The following FURIN variants were observed in gnomAD, a reference collection of about 807,000 sequenced individuals.
FURIN encodes the protein furin, paired basic amino acid cleaving enzyme, also known as FES upstream region.
In FURIN, 18 loss-of-function variants were observed where a neutral mutation model predicts 89.2. That is an observed-to-expected ratio of 0.20 (90% CI 0.14 to 0.30). FURIN has a LOEUF of 0.30. Ranked by LOEUF, FURIN falls within the 10% of genes least tolerant of loss-of-function variation. FURIN has a pLI of 1.00. For synonymous variants in FURIN, 508 were observed against 466.4 expected, an observed-to-expected ratio of 1.09 and a Z score of -1.15; for missense variants, 879 against 1,100.5, an observed-to-expected ratio of 0.80 and a Z score of 2.85.
At chr15:90,871,245 C>T (rs1446404375) in intron 1 of FURIN, among the ~76,000 whole-genome samples, 1 of 152,186 alleles carries the variant, frequency 6.6e-6, no homozygotes, top group African/African-American at 2.4e-5. Flanking sequence ...CGGAGTGCCT[C>T]CCCCAAGCCT....
At chr15:90,878,431 A>G (rs1240429116) in intron 8 of FURIN, 127 bp downstream of exon 8, 1 of 833,890 alleles carries the variant, frequency 1.2e-6, no homozygotes, top group Non-Finnish European at 1.8e-6. Context: ...TTATTGAAAC[A>G]TTAAGGGACA....
At position 90,872,287 on chromosome 15, in the gene FURIN, G is replaced by T. The variant is rs147254697; in HGVS notation, c.-159-3295G>T. On this transcript the variant is annotated intron_variant, in intron 1 of 15. Coordinates refer to ENST00000268171, the MANE Select transcript of FURIN (RefSeq NM_002569.4). ...CGAGGCCCCTGTGCCCCCGCTGTGT[G>T]GCTGGACCAAGGGGCGGCCTGCTTG... 1.4e-4 allele frequency among the ~76,000 whole-genome samples: 22 copies of T among 152,286 alleles called. No individual in the cohort carries two copies. In the East Asian group the frequency reaches 4.1e-3, roughly 28 times the overall value.
intron 1 of FURIN, among the ~76,000 whole-genome samples, chr15:90,872,122 C>G (rs886375667): frequency 6.6e-6 from 1 of 151,500 alleles, no homozygotes; most frequent in African/African-American, 2.4e-5. Flanking sequence ...GGAGGAGCGG[C>G]CGGGGGCGAG....
At chr15:90,878,428 A>C in intron 8 of FURIN, 124 bp downstream of exon 8, 2 of 847,814 alleles carry the variant, frequency 2.4e-6, no homozygotes, top group Non-Finnish European at 3.5e-6. Context: ...TGTTTATTGA[A>C]ACATTAAGGG....
intron 1 of FURIN, among the ~76,000 whole-genome samples, chr15:90,872,696 T>C (rs185684362): frequency 2.3e-4 from 35 of 152,334 alleles, no homozygotes; most frequent in Non-Finnish European, 4.0e-4. Flanking sequence ...AAGTGACTTG[T>C]TAAGATCATC....
rs759594039 is a variant in FURIN, at chr15:90,880,196, G to A, written c.1479G>A (p.Leu493=). ...AGCACGCTCAGGCGCGGCTCACCCTGTCCTATAATCGCCGTGGCGACCTGG... is the reference window on the plus strand; with the variant it reads ...AGCACGCTCAGGCGCGGCTCACCCTATCCTATAATCGCCGTGGCGACCTGG... ...RLEHAQARLT[L]SYNRRGDLAI... The change falls in exon 13 of 16, where the codon CTG becomes CTA. Residue 493 remains leucine, a synonymous_variant. Transcript: ENST00000268171. 9 of 1,612,706 alleles carry A rather than the reference G, an allele frequency of 5.6e-6. No individual in the cohort carries two copies. The highest frequency in any genetic ancestry group is 8.5e-7 in the Non-Finnish European group (1 of 1,179,736).
intron 1 of FURIN, among the ~76,000 whole-genome samples, chr15:90,874,711 A>G (rs2151221263): frequency 6.6e-6 from 1 of 152,350 alleles, no homozygotes; most frequent in East Asian, 1.9e-4. Context: ...CCAACATCTT[A>G]TTCCCATGTA....
intron 6 of FURIN, 37 bp from the exon 7 acceptor site, chr15:90,877,490 A>G (rs1414423079): frequency 5.9e-6 from 9 of 1,515,204 alleles, no homozygotes; most frequent in African/African-American, 1.4e-5. Flanking sequence ...TGTTCACCCC[A>G]TTTGTTCTAC....
chr15:90,873,636 G>T (rs1250193342), intron 1 of FURIN, among the ~76,000 whole-genome samples: 6 of 137,418 alleles, frequency 4.4e-5, no homozygotes, highest in African/African-American at 1.5e-4. Flanking sequence ...GACTTGGGGT[G>T]GGGGGGGCGG....
intron 1 of FURIN, among the ~76,000 whole-genome samples, chr15:90,869,831 C>T (rs1401524193): frequency 1.3e-5 from 2 of 152,214 alleles, no homozygotes; most frequent in African/African-American, 4.8e-5. Flanking sequence ...GGCCTGAGGA[C>T]AAGTGGGTAG....
intron 9 of FURIN, among the ~76,000 whole-genome samples, chr15:90,879,229 CCCTTATT>C (rs2151226233): frequency 6.6e-6 from 1 of 152,310 alleles, no homozygotes; most frequent in South Asian, 2.1e-4. Flanking sequence ...TAGTTGAACC[CCCTTATT>C]CCTTTGGAAA....
Position 90,880,935 on chromosome 15 carries a change from C to A in FURIN, c.1687C>A (p.Leu563Met). 1.2e-6 allele frequency: 2 copies of A among 1,613,748 alleles called. No individual in the cohort carries two copies. Among genetic ancestry groups the A allele is most frequent in the African/African-American group, 2.7e-5 (2 of 75,022 alleles). ...NTSEANNYGTLTKFTLVLYGT... is the reference protein window; with the variant it reads ...NTSEANNYGTMTKFTLVLYGT... ...TCCTCCCCGCTCTGGAACAGGGACG[C>A]TGACCAAGTTCACCCTCGTACTCTA... Residue 563 changes from leucine (L) to methionine (M), a missense_variant, in exon 15 of 16, where the codon CTG becomes ATG. Physicochemically the swap from Leu to Met is conservative, Grantham distance 15. This residue lies in a region of FURIN where 457 missense variants were observed against 490.7 expected (regional missense o/e 0.93). Transcript: ENST00000268171.
Position 90,876,786 on chromosome 15 carries a change from C to A in FURIN, c.373-110C>A. Reference sequence around the variant, plus strand: ...ACAGCCAGTGGCGGCCTTTCAGGAGCAGGGATGGTACAGGAGGAGGTTTTA... The same window carrying A: ...ACAGCCAGTGGCGGCCTTTCAGGAGAAGGGATGGTACAGGAGGAGGTTTTA... On this transcript the variant is annotated intron_variant, in intron 4 of 15. Transcript: ENST00000268171. The surrounding 1 kb of genome is among the most constrained non-coding windows in gnomAD (Gnocchi z 5.0). The A allele has an allele frequency of 1.6e-6, 2 of 1,232,134 alleles. No individual in the cohort carries two copies. The highest frequency in any genetic ancestry group is 2.3e-6 in the Non-Finnish European group (2 of 859,710). 76.3% of individuals were successfully genotyped at this position (1,232,134 alleles called of 1,614,324 possible).
chr15:90,868,657 GGGGAAGCAGCAGC>G lies in FURIN; in HGVS notation c.-211_-199del, dbSNP rs2031154636. On this transcript the variant is annotated 5_prime_UTR_variant, in exon 1 of 16. Transcript: ENST00000268171. ...GACTGTTGCAGCTGCAGTGAGTGGC[GGGGAAGCAGCAGC>G]GGCCAGGATGAATCCCAGGTGCTCT... 1 of 152,236 alleles carries G rather than the reference GGGGAAGCAGCAGC, an allele frequency of 6.6e-6. No homozygotes were observed. Among genetic ancestry groups the G allele is most frequent in the Non-Finnish European group, 1.5e-5 (1 of 68,066 alleles). 9.4% of individuals were successfully genotyped at this position (152,236 alleles called of 1,614,324 possible). A position where few individuals can be genotyped will look rare whatever the true frequency, so the allele number is the denominator to read the frequency against.
chr15:90,871,081 C>T (rs995034223), intron 1 of FURIN, among the ~76,000 whole-genome samples: 29 of 152,210 alleles, frequency 1.9e-4, no homozygotes, highest in Non-Finnish European at 2.5e-4. Context: ...GCTGGTCCTG[C>T]CGCCGTGCAG....
Position 90,876,274 on chromosome 15 carries a change from A to C in FURIN, c.197A>C (p.His66Pro). 1 of 1,609,312 alleles carries C rather than the reference A, an allele frequency of 6.2e-7. No homozygotes were observed. Among genetic ancestry groups the C allele is most frequent in the Non-Finnish European group, 8.5e-7 (1 of 1,176,108 alleles). The change falls in exon 3 of 16, where the codon CAC becomes CCC. Residue 66 changes from histidine to proline, a missense_variant. Around this residue, in one of 5 missense-constraint regions of FURIN, gnomAD observed 125 missense variants for 125.0 expected, o/e 1.00. Coordinates refer to ENST00000268171, the MANE Select transcript of FURIN (RefSeq NM_002569.4). The surrounding 1 kb of genome is among the most constrained non-coding windows in gnomAD (Gnocchi z 5.0). ...NLGQIFGDYY[H>P]FWHRGVTKRS... ...TTGCAGATCTTCGGGGACTATTACC[A>C]CTTCTGGCATCGAGGAGTGACGAAG...
Position 90,875,933 on chromosome 15 carries a change from C to T in FURIN, c.177+16C>T, listed in dbSNP as rs1239046020. ...CCTGGGCCAGGTAGGTGTTCCCCCA[C>T]AGGACACTGCCAGGGGGTGGGACCA... On this transcript the variant is annotated intron_variant, in intron 2 of 15. Transcript: ENST00000268171. The T allele has an allele frequency of 6.4e-7, 1 of 1,556,216 alleles. No individual in the cohort carries two copies.
At chr15:90,875,036 T>C (rs1183206190) in intron 1 of FURIN, among the ~76,000 whole-genome samples, 1 of 147,818 alleles carries the variant, frequency 6.8e-6, no homozygotes, top group Admixed American at 6.7e-5. Context: ...ACACTTTTTT[T>C]TTTTTTTTTT....
chr15:90,874,662 G>C (rs1490477735), intron 1 of FURIN, among the ~76,000 whole-genome samples: 1 of 152,218 alleles, frequency 6.6e-6, no homozygotes, highest in African/African-American at 2.4e-5. Context: ...AAACCCTAGT[G>C]AGTTGTATAG....
Sources: gnomAD v4.1 joint callset for allele counts (sites outside exome capture counted in the v4.1 genomes callset) on GRCh38, gnomAD v4.1.1 for gene constraint, gnomAD v4.1.1 regional missense constraint, Gnocchi (gnomAD v3.1) non-coding constraint, MANE v1.5 for transcripts, NCBI Gene and HGNC (gene_info 2026-07-23, HGNC 2026-07-21) for gene names.